SYN3: variants seen among roughly 807,000 people sequenced by gnomAD.
The protein encoded by SYN3 is synapsin III, also known as synapsin-3.
In SYN3, 35 loss-of-function variants were observed where a neutral mutation model predicts 65.8. The ratio of observed to expected loss-of-function variants is 0.53; its 90% CI spans 0.41 to 0.70. The LOEUF (loss-of-function observed/expected upper bound fraction) is 0.70. Ranked by LOEUF, SYN3 falls within the 30% of genes least tolerant of loss-of-function variation. SYN3 has a pLI of 0.00. For synonymous variants in SYN3, 270 were observed against 292.9 expected (o/e 0.92, Z 0.80); for missense variants, 680 against 749.0 (o/e 0.91, Z 1.08).
intron 7 of SYN3, among the ~76,000 whole-genome samples, chr22:32,582,223 C>G (rs4821075): frequency 4.2e-3 from 641 of 152,300 alleles, no homozygotes; most frequent in Non-Finnish European, 7.5e-3. Flanking sequence ...AATGCCTGGT[C>G]CCTTGGGCAT....
intron 6 of SYN3, among the ~76,000 whole-genome samples, chr22:32,667,688 C>A (rs1245337893): frequency 6.6e-6 from 1 of 152,094 alleles, no homozygotes; most frequent in Admixed American, 6.6e-5. Flanking sequence ...TATAAGAGAG[C>A]TCTCCTTCTG....
At chr22:32,983,070 T>C (rs1407480148) in intron 2 of SYN3, among the ~76,000 whole-genome samples, 1 of 152,192 alleles carries the variant, frequency 6.6e-6, no homozygotes, top group South Asian at 2.1e-4. Flanking sequence ...CATTTTCTCT[T>C]TTTGATTATT....
intron 6 of SYN3, among the ~76,000 whole-genome samples, chr22:32,821,125 T>G (rs936365912): frequency 1.3e-5 from 2 of 152,138 alleles, no homozygotes; most frequent in Non-Finnish European, 2.9e-5. Context: ...CAGTGGAGGA[T>G]GTCAAAAGAG....
At chr22:32,603,475 G>C (rs142854204) in intron 6 of SYN3, among the ~76,000 whole-genome samples, 7,635 of 150,434 alleles carry the variant, frequency 0.051, 514 homozygotes, top group East Asian at 0.27. Flanking sequence ...AGCCGAGATC[G>C]TGCCACTGCA....
chr22:32,567,328 C>A (rs737725), intron 7 of SYN3, among the ~76,000 whole-genome samples: 35,053 of 125,274 alleles, frequency 0.28, 4,832 homozygotes, highest in East Asian at 0.42. Flanking sequence ...GATCCTCCCT[C>A]CCTCCCTCCC....
chr22:32,792,939 G>C (rs1602160245), intron 6 of SYN3, among the ~76,000 whole-genome samples: 1 of 152,224 alleles, frequency 6.6e-6, no homozygotes, highest in Non-Finnish European at 1.5e-5. Context: ...ACTTCCTTGA[G>C]TGTAAGAAAT....
intron 6 of SYN3, among the ~76,000 whole-genome samples, chr22:32,788,519 T>C (rs2046247398): frequency 6.6e-6 from 1 of 150,610 alleles, no homozygotes; most frequent in Non-Finnish European, 1.5e-5. Flanking sequence ...CCAGCCCAGG[T>C]AACAGCGCAA....
At chr22:32,971,930 T>G (rs558992137) in intron 3 of SYN3, among the ~76,000 whole-genome samples, 1 of 152,292 alleles carries the variant, frequency 6.6e-6, no homozygotes, top group South Asian at 2.1e-4. Context: ...CAAGAAGCTC[T>G]GAAGCCGGAC....
intron 6 of SYN3, among the ~76,000 whole-genome samples, chr22:32,763,269 C>G (rs1347400657): frequency 6.6e-6 from 1 of 152,040 alleles, no homozygotes; most frequent in Non-Finnish European, 1.5e-5. Flanking sequence ...GCCTCAGCTT[C>G]TCGAGTAGCT....
intron 6 of SYN3, among the ~76,000 whole-genome samples, chr22:32,822,753 C>T (rs1334639093): frequency 6.6e-6 from 1 of 152,088 alleles, no homozygotes; most frequent in South Asian, 2.1e-4. Context: ...GGGTGTGGCC[C>T]TCATAGCCAG....
chr22:32,691,335 C>G (rs1174242039), intron 6 of SYN3, among the ~76,000 whole-genome samples: 2 of 152,132 alleles, frequency 1.3e-5, no homozygotes, highest in Non-Finnish European at 2.9e-5. Context: ...AGCTGGTCAC[C>G]CTCTTGAGCT....
intron 6 of SYN3, among the ~76,000 whole-genome samples, chr22:32,712,118 G>C (rs2060974054): frequency 2.6e-5 from 4 of 152,128 alleles, no homozygotes; most frequent in Admixed American, 2.6e-4. Flanking sequence ...ATTTCACCTT[G>C]ACTCCTCAAT....
In SYN3 at chr22:32,541,457, G is replaced by C. The variant is rs186550097; in HGVS notation, c.917+114C>G. ...ACTGGACAGAGAAGAAGGGCAGTAAGGAGACAGGAAGGAGGATAATGATGC... is the reference window on the plus strand; with the variant it reads ...ACTGGACAGAGAAGAAGGGCAGTAACGAGACAGGAAGGAGGATAATGATGC... On this transcript the variant is annotated intron_variant, in intron 8 of 13. Coordinates refer to ENST00000358763, the MANE Select transcript of SYN3 (RefSeq NM_003490.4). 1.6e-3 allele frequency: 2,096 copies of C among 1,315,296 alleles called. 20 individuals carry two copies. The African/African-American group carries it at 0.026, about 16-fold the overall frequency. 81.5% of individuals were successfully genotyped at this position (1,315,296 alleles called of 1,614,324 possible).
chr22:32,769,059 C>G (rs938195421), intron 6 of SYN3, among the ~76,000 whole-genome samples: 14 of 152,162 alleles, frequency 9.2e-5, no homozygotes, highest in African/African-American at 3.4e-4. Flanking sequence ...ATGCTCCACC[C>G]ACATCTCCTC....
chr22:33,020,638 G>A (rs903323992), intron 1 of SYN3, among the ~76,000 whole-genome samples: 5 of 152,174 alleles, frequency 3.3e-5, no homozygotes, highest in African/African-American at 1.2e-4. Context: ...TCTTTTGCAA[G>A]ATTGGGTCAT....
At chr22:32,922,862 G>A (rs2050370837) in intron 4 of SYN3, among the ~76,000 whole-genome samples, 1 of 152,092 alleles carries the variant, frequency 6.6e-6, no homozygotes, top group African/African-American at 2.4e-5. Flanking sequence ...GGAATCCTAG[G>A]TGCTGTTTGC....
chr22:32,559,247 T>C lies in SYN3; in HGVS notation c.775-17534A>G, dbSNP rs79662739. On this transcript the variant is annotated intron_variant, in intron 7 of 13. Coordinates refer to ENST00000358763, the MANE Select transcript of SYN3 (RefSeq NM_003490.4). ...CAGACATTCATTCAGTTAATATTTA[T>C]TGAGCCCCTACTACAAGCCAGACAC... is the stretch of plus-strand genomic sequence containing the variant. 3.3e-5 allele frequency among the ~76,000 whole-genome samples: 5 copies of C among 152,192 alleles called. No individual in the cohort carries two copies. In the East Asian group the frequency reaches 7.7e-4, roughly 23 times the overall value.
At chr22:32,927,895 C>T (rs1050005812) in intron 4 of SYN3, among the ~76,000 whole-genome samples, 3 of 152,206 alleles carry the variant, frequency 2.0e-5, no homozygotes, top group African/African-American at 7.2e-5. Flanking sequence ...TAATTTCTCT[C>T]AGCACACTGA....
At chr22:32,701,629 A>C (rs1169536807) in intron 6 of SYN3, among the ~76,000 whole-genome samples, 1 of 152,240 alleles carries the variant, frequency 6.6e-6, no homozygotes, top group Non-Finnish European at 1.5e-5. Flanking sequence ...AAAACATATA[A>C]TATCTGAAAT....
Sources: gnomAD v4.1 joint callset for allele counts (sites outside exome capture counted in the v4.1 genomes callset) on GRCh38, gnomAD v4.1.1 for gene constraint, MANE v1.5 for transcripts, NCBI Gene and HGNC (gene_info 2026-07-23, HGNC 2026-07-21) for gene names.